The following RPRD2 variants were observed in gnomAD, a reference collection of about 807,000 sequenced individuals.
RPRD2 encodes regulation of nuclear pre-mRNA domain containing 2.
A neutral mutation model predicts 104.4 loss-of-function variants in RPRD2; 12 were observed. The ratio of observed to expected loss-of-function variants is 0.11; its 90% CI spans 0.07 to 0.19. The LOEUF is 0.19. Among genes scored for constraint, RPRD2 ranks in the 10% least tolerant of loss-of-function variants. The pLI, the probability that RPRD2 is intolerant of heterozygous loss-of-function variation, is 1.00. For synonymous variants in RPRD2, 714 were observed against 684.9 expected (o/e 1.04, Z -0.66); for missense variants, 1,543 against 1,790.1 (o/e 0.86, Z 2.49).
At chr1:150,415,457 C>T (rs1553888401) in intron 1 of RPRD2, among the ~76,000 whole-genome samples, 1 of 151,928 alleles carries the variant, frequency 6.6e-6, no homozygotes, top group African/African-American at 2.4e-5. Context: ...CTGAGGCGGG[C>T]AGATTGCTTG....
At chr1:150,409,264 G>C (rs587635363) in intron 1 of RPRD2, among the ~76,000 whole-genome samples, 8 of 152,178 alleles carry the variant, frequency 5.3e-5, no homozygotes, top group South Asian at 4.2e-4. Context: ...ATTAACTTCT[G>C]CAACAGCCCC....
At chr1:150,461,422 A>G (rs1268131108) in intron 9 of RPRD2, among the ~76,000 whole-genome samples, 1 of 152,214 alleles carries the variant, frequency 6.6e-6, no homozygotes, top group Non-Finnish European at 1.5e-5. Flanking sequence ...TTAAAAGTTA[A>G]TTACATATCT....
chr1:150,461,751 C>T (rs1037195564), intron 9 of RPRD2, among the ~76,000 whole-genome samples: 1 of 151,898 alleles, frequency 6.6e-6, no homozygotes, highest in Admixed American at 6.6e-5. Context: ...GAGGCCGAGG[C>T]GGGTGGATCA....
chr1:150,411,164 A>G (rs1663863643), intron 1 of RPRD2, among the ~76,000 whole-genome samples: 1 of 152,208 alleles, frequency 6.6e-6, no homozygotes, highest in Non-Finnish European at 1.5e-5. Context: ...GTATTAAATA[A>G]GTTAAAAATT....
intron 9 of RPRD2, among the ~76,000 whole-genome samples, chr1:150,463,094 G>A (rs1188055863): frequency 1.3e-5 from 2 of 152,122 alleles, no homozygotes; most frequent in Admixed American, 6.6e-5. Flanking sequence ...GGGCTCAAGT[G>A]TTCCTCCCAT....
rs144761573 is a variant in RPRD2 at position 150,389,547 on chromosome 1, C to T, written c.205+24628C>T. On this transcript the variant is annotated intron_variant, in intron 1 of 10. Coordinates refer to ENST00000369068, the MANE Select transcript of RPRD2 (RefSeq NM_015203.5). ...TGTCCATCCTATCAACATGTTTTAC[C>T]GCTAATGATACTAACCTTGATCACC... Among the ~76,000 whole-genome samples the T allele has an allele frequency of 2.0e-4, 30 of 152,194 alleles. No homozygotes were observed. In the South Asian group the frequency reaches 2.5e-3, roughly 13 times the overall value.
intron 1 of RPRD2, among the ~76,000 whole-genome samples, chr1:150,411,924 G>A (rs1195441150): frequency 6.6e-6 from 1 of 151,746 alleles, no homozygotes; most frequent in African/African-American, 2.4e-5. Flanking sequence ...TCAGGAGTTC[G>A]AGACCAGCGT....
At chr1:150,401,420 G>A (rs587654182) in intron 1 of RPRD2, among the ~76,000 whole-genome samples, 23 of 151,860 alleles carry the variant, frequency 1.5e-4, no homozygotes, top group African/African-American at 3.4e-4. Context: ...CCTGTGAGAC[G>A]GAGGTTGCAG....
At chr1:150,393,937 TA>T (rs1245779238) in intron 1 of RPRD2, among the ~76,000 whole-genome samples, 9 of 151,386 alleles carry the variant, frequency 5.9e-5, no homozygotes, top group South Asian at 2.1e-4. Flanking sequence ...TAACAGTATA[TA>T]AAAAAAAACC....
At chr1:150,444,509 G>A in intron 6 of RPRD2, 132 bp downstream of exon 6, 8 of 802,734 alleles carry the variant, frequency 1.0e-5, no homozygotes, top group South Asian at 2.0e-5. Flanking sequence ...GGTTTCCCAG[G>A]TAGTTATTTC....
At chr1:150,399,215 G>A (rs2102211257) in intron 1 of RPRD2, among the ~76,000 whole-genome samples, 1 of 152,032 alleles carries the variant, frequency 6.6e-6, no homozygotes, top group African/African-American at 2.4e-5. Context: ...TGTTGCCTAG[G>A]CTGGTCTCAA....
intron 10 of RPRD2, among the ~76,000 whole-genome samples, chr1:150,468,660 T>C (rs1292634474): frequency 6.6e-6 from 1 of 152,182 alleles, no homozygotes; most frequent in Non-Finnish European, 1.5e-5. Flanking sequence ...GACAATCACT[T>C]GAGCCCAAGA....
intron 1 of RPRD2, among the ~76,000 whole-genome samples, chr1:150,377,415 G>A (rs587761850): frequency 6.6e-6 from 1 of 151,524 alleles, no homozygotes; most frequent in African/African-American, 2.4e-5. Context: ...CCTGGCTGAC[G>A]GTGAAACCCC....
chr1:150,406,701 G>A (rs1478793533), intron 1 of RPRD2, among the ~76,000 whole-genome samples: 1 of 151,962 alleles, frequency 6.6e-6, no homozygotes, highest in African/African-American at 2.4e-5. Flanking sequence ...GCCCTGCCAA[G>A]TACTTACAAG....
chr1:150,452,310 T>C (rs1405326898), intron 7 of RPRD2, among the ~76,000 whole-genome samples: 3 of 152,144 alleles, frequency 2.0e-5, no homozygotes, highest in African/African-American at 7.2e-5. Context: ...GGAAGAATTC[T>C]GCCCAGTGTC....
intron 2 of RPRD2, among the ~76,000 whole-genome samples, chr1:150,419,778 C>T (rs981778596): frequency 3.3e-5 from 5 of 152,076 alleles, no homozygotes; most frequent in African/African-American, 1.2e-4. Flanking sequence ...TACAGGCATG[C>T]GCCACCACGC....
At chr1:150,450,002 C>T (rs1553896258) in intron 7 of RPRD2, among the ~76,000 whole-genome samples, 1 of 152,056 alleles carries the variant, frequency 6.6e-6, no homozygotes, top group Non-Finnish European at 1.5e-5. Context: ...ACTAACTAGT[C>T]TTGTAATTCA....
intron 3 of RPRD2, chr1:150,441,539 C>T: frequency 5.4e-6 from 1 of 184,376 alleles, no homozygotes; most frequent in Non-Finnish European, 1.0e-5. Flanking sequence ...TTGTGATAAT[C>T]TGCTACCATG....
At chr1:150,464,759 GT>G (rs782507730) in intron 10 of RPRD2, 32 bp downstream of exon 10, 2 of 1,531,686 alleles carry the variant, frequency 1.3e-6, no homozygotes, top group Admixed American at 1.8e-5. Flanking sequence ...GACTCGAATT[GT>G]GAATGTTTGT....
Sources: allele counts gnomAD v4.1 joint callset (sites outside exome capture counted in the v4.1 genomes callset), GRCh38; gene constraint gnomAD v4.1.1; transcripts MANE v1.5; gene names NCBI Gene and HGNC (gene_info 2026-07-23, HGNC 2026-07-21).